EPHB1: variants seen among roughly 807,000 people sequenced by gnomAD.
The protein encoded by EPHB1 is ephrin type-B receptor 1.
In EPHB1, 30 loss-of-function variants were observed where a neutral mutation model predicts 94.4. The observed-to-expected ratio is 0.32, with a 90% CI of 0.24 to 0.43. The LOEUF is 0.43. Among genes scored for constraint, EPHB1 ranks in the 20% least tolerant of loss-of-function variants. The pLI is 1.00. For missense variants in EPHB1, 1,055 were observed against 1,308.3 expected (o/e 0.81, Z 2.99); for synonymous variants, 522 against 489.1 (o/e 1.07, Z -0.89).
intron 1 of EPHB1, among the ~76,000 whole-genome samples, chr3:134,874,068 C>T (rs2037561361): frequency 6.6e-6 from 1 of 152,144 alleles, no homozygotes; most frequent in Admixed American, 6.5e-5. Context: ...ACTGTGTTCA[C>T]CAGGGTGGCT....
intron 1 of EPHB1, among the ~76,000 whole-genome samples, chr3:134,897,941 A>T (rs2038118443): frequency 6.6e-6 from 1 of 152,206 alleles, no homozygotes; most frequent in Admixed American, 6.5e-5. Context: ...CCCAAGCTGT[A>T]TGTGGAGTGT....
intron 1 of EPHB1, among the ~76,000 whole-genome samples, chr3:134,799,673 C>T (rs2035898297): frequency 6.6e-6 from 1 of 152,192 alleles, no homozygotes; most frequent in African/African-American, 2.4e-5. Flanking sequence ...GGAGGGCCTG[C>T]TAGGTCACAC....
At chr3:135,239,874 C>T (rs1342188981) in intron 12 of EPHB1, among the ~76,000 whole-genome samples, 2 of 152,204 alleles carry the variant, frequency 1.3e-5, no homozygotes, top group Non-Finnish European at 2.9e-5. Context: ...TCTACTTGTT[C>T]TCTAGGGCTG....
intron 3 of EPHB1, among the ~76,000 whole-genome samples, chr3:134,953,964 T>C (rs907816457): frequency 2.6e-5 from 4 of 152,256 alleles, no homozygotes; most frequent in African/African-American, 9.6e-5. Context: ...ATTTCTAATC[T>C]TGAGCTATTG....
At chr3:135,010,329 A>T (rs889955814) in intron 3 of EPHB1, among the ~76,000 whole-genome samples, 3 of 152,014 alleles carry the variant, frequency 2.0e-5, no homozygotes, top group Non-Finnish European at 2.9e-5. Flanking sequence ...TACTACTTTT[A>T]CATTGATGAG....
chr3:134,931,294 C>A (rs2038898516), intron 2 of EPHB1, among the ~76,000 whole-genome samples: 2 of 152,226 alleles, frequency 1.3e-5, no homozygotes, highest in African/African-American at 4.8e-5. Context: ...ATTAGAAAGG[C>A]AAACCTAGTC....
chr3:134,827,181 A>G (rs1040089355), intron 1 of EPHB1, among the ~76,000 whole-genome samples: 1 of 152,262 alleles, frequency 6.6e-6, no homozygotes, highest in African/African-American at 2.4e-5. Context: ...GGAGGTTTGT[A>G]GAACCTAAGT....
Position 134,846,079 on chromosome 3 carries a change from C to G in EPHB1, c.58+50390C>G, listed in dbSNP as rs1578132554. Among the ~76,000 whole-genome samples the G allele has an allele frequency of 3.3e-5, 5 of 152,328 alleles. 1 individual carries two copies. The highest frequency in any genetic ancestry group is 1.2e-4 in the African/African-American group (5 of 41,570). The stretch of plus-strand genomic sequence containing the variant: ...GCCAGCCTGTGCTTGGGAGTTGCAT[C>G]TCCTCTGATCAGTATGGTGTTGCAT... On this transcript the variant is annotated intron_variant, in intron 1 of 15. Coordinates refer to ENST00000398015, the MANE Select transcript of EPHB1 (RefSeq NM_004441.5).
At chr3:135,120,316 A>G (rs1277541819) in intron 4 of EPHB1, among the ~76,000 whole-genome samples, 1 of 152,202 alleles carries the variant, frequency 6.6e-6, no homozygotes, top group African/African-American at 2.4e-5. Context: ...GTCTTGTGAG[A>G]TTTAATCCTA....
At chr3:135,049,898 A>G (rs755129605) in intron 3 of EPHB1, among the ~76,000 whole-genome samples, 2 of 152,172 alleles carry the variant, frequency 1.3e-5, no homozygotes, top group Non-Finnish European at 2.9e-5. Flanking sequence ...CCTGTTGGAA[A>G]CATGAGATAG....
chr3:135,046,361 CTCT>C (rs1425864912), intron 3 of EPHB1, among the ~76,000 whole-genome samples: 2 of 152,178 alleles, frequency 1.3e-5, no homozygotes, highest in African/African-American at 4.8e-5. Context: ...CCTTGAGGAT[CTCT>C]TCTTCTTTTT....
At chr3:134,804,357 A>C (rs1456131641) in intron 1 of EPHB1, among the ~76,000 whole-genome samples, 1 of 152,162 alleles carries the variant, frequency 6.6e-6, no homozygotes, top group Non-Finnish European at 1.5e-5. Flanking sequence ...GCACGGGGAA[A>C]GACCGGCCAC....
chr3:134,829,485 T>C (rs1450613434), intron 1 of EPHB1, among the ~76,000 whole-genome samples: 1 of 152,182 alleles, frequency 6.6e-6, no homozygotes, highest in African/African-American at 2.4e-5. Flanking sequence ...TCAATAATGC[T>C]TTCCTCCCCT....
In EPHB1 at chr3:135,209,548, T is replaced by G. The variant is rs57631080; in HGVS notation, c.2346+7859T>G. Reference sequence around the variant, plus strand: ...TCAGACTACCTAAAACTGAGGTACATTCTATTGAATGTGTGGCCTATGCGC... The same window carrying G: ...TCAGACTACCTAAAACTGAGGTACAGTCTATTGAATGTGTGGCCTATGCGC... On this transcript the variant is annotated intron_variant, in intron 12 of 15. Transcript: ENST00000398015. Among the ~76,000 whole-genome samples, 660 of 152,304 alleles carry G rather than the reference T, an allele frequency of 4.3e-3. 6 individuals carry two copies. Among genetic ancestry groups the G allele is most frequent in the African/African-American group, 0.015 (622 of 41,558 alleles).
chr3:135,000,923 T>C (rs1935151254), intron 3 of EPHB1, among the ~76,000 whole-genome samples: 2 of 152,168 alleles, frequency 1.3e-5, no homozygotes, highest in Admixed American at 1.3e-4. Context: ...AACACCAATT[T>C]CTGCAACTTC....
chr3:134,962,560 C>CCT (rs1933560873), intron 3 of EPHB1, among the ~76,000 whole-genome samples: 1 of 151,768 alleles, frequency 6.6e-6, no homozygotes, highest in Non-Finnish European at 1.5e-5. Flanking sequence ...GCCGAATCTG[C>CCT]CTGGTTTGCT....
chr3:134,874,340 G>T (rs1236451391), intron 1 of EPHB1, among the ~76,000 whole-genome samples: 4 of 152,044 alleles, frequency 2.6e-5, no homozygotes, highest in Non-Finnish European at 5.9e-5. Context: ...CACAGAGAGG[G>T]TAAAACAAAC....
At chr3:134,918,801 C>A (rs1381823965) in intron 1 of EPHB1, among the ~76,000 whole-genome samples, 5 of 152,166 alleles carry the variant, frequency 3.3e-5, no homozygotes, top group Admixed American at 6.5e-5. Flanking sequence ...GCAATGAATA[C>A]CTTCATGATA....
At chr3:135,130,029 G>C (rs1167766859) in intron 4 of EPHB1, among the ~76,000 whole-genome samples, 1 of 152,210 alleles carries the variant, frequency 6.6e-6, no homozygotes, top group African/African-American at 2.4e-5. Flanking sequence ...TAGTCAGGAA[G>C]CAGGGGGGAA....
Sources: gnomAD v4.1 joint callset for allele counts (sites outside exome capture counted in the v4.1 genomes callset) on GRCh38, gnomAD v4.1.1 for gene constraint, MANE v1.5 for transcripts, NCBI Gene and HGNC (gene_info 2026-07-23, HGNC 2026-07-21) for gene names.